Variants in IGF2BP3 observed in about 807,000 individuals in gnomAD.
IGF2BP3 encodes insulin-like growth factor 2 mRNA-binding protein 3.
A neutral mutation model predicts 73.8 loss-of-function variants in IGF2BP3; 9 were observed. The ratio of observed to expected loss-of-function variants is 0.12; its 90% CI spans 0.07 to 0.21. The LOEUF is 0.21. Ranked by LOEUF, IGF2BP3 falls within the 10% of genes least tolerant of loss-of-function variation. The pLI is 1.00. For synonymous variants in IGF2BP3, 258 were observed against 256.7 expected, an observed-to-expected ratio of 1.01 and a Z score of -0.05; for missense variants, 542 against 714.0, an observed-to-expected ratio of 0.76 and a Z score of 2.75.
chr7:23,418,911 A>T, intron 2 of IGF2BP3, 87 bp from the exon 3 acceptor site: 1 of 812,810 alleles, frequency 1.2e-6, no homozygotes, highest in Non-Finnish European at 2.0e-6. Context: ...AAACTACTTA[A>T]AATATTAACT....
rs750744950 is a variant in IGF2BP3, at chr7:23,470,142, G to C, written c.-32C>G. 9.0e-6 allele frequency: 14 copies of C among 1,553,854 alleles called. No individual in the cohort carries two copies. Among genetic ancestry groups the C allele is most frequent in the Non-Finnish European group, 1.2e-5 (14 of 1,149,086 alleles). ...GAGTGGTTGTTTAAAAAAAAATAAC[G>C]AGAAAAAACGAAAAATTAAAACCAC... On this transcript the variant is annotated 5_prime_UTR_variant, in exon 1 of 15. Coordinates refer to ENST00000258729, the MANE Select transcript of IGF2BP3 (RefSeq NM_006547.3).
chr7:23,376,967 A>G (rs1281764264), intron 3 of IGF2BP3, among the ~76,000 whole-genome samples: 1 of 152,228 alleles, frequency 6.6e-6, no homozygotes, highest in Admixed American at 6.5e-5. Flanking sequence ...GTGGGTGTAA[A>G]TTCATCCACA....
At chr7:23,345,806 T>A in intron 8 of IGF2BP3, 134 bp downstream of exon 8, 1 of 1,033,128 alleles carries the variant, frequency 9.7e-7, no homozygotes, top group Non-Finnish European at 1.4e-6. Flanking sequence ...GCAAGCTGTA[T>A]TTGAGAAACC....
intron 2 of IGF2BP3, among the ~76,000 whole-genome samples, chr7:23,437,485 A>AAAAT (rs71770418): frequency 0.012 from 1,852 of 148,646 alleles, 16 homozygotes; most frequent in East Asian, 0.046. Flanking sequence ...CTTCATTTCA[A>AAAAT]AAATAAATAA....
chr7:23,379,236 G>T (rs947688201), intron 3 of IGF2BP3, among the ~76,000 whole-genome samples: 1 of 152,150 alleles, frequency 6.6e-6, no homozygotes, highest in Non-Finnish European at 1.5e-5. Flanking sequence ...GGCAAACCAA[G>T]GTTTCCCCAC....
intron 3 of IGF2BP3, among the ~76,000 whole-genome samples, chr7:23,399,341 T>C (rs957230427): frequency 1.3e-5 from 2 of 151,610 alleles, no homozygotes; most frequent in Non-Finnish European, 2.9e-5. Context: ...CATGTATACA[T>C]ATGTAACCTG....
chr7:23,375,423 A>G (rs1295792445), intron 3 of IGF2BP3, among the ~76,000 whole-genome samples: 1 of 152,186 alleles, frequency 6.6e-6, no homozygotes, highest in African/African-American at 2.4e-5. Context: ...CAAGCAAAGA[A>G]CTAGGACAGC....
chr7:23,415,369 G>A (rs187348922), intron 3 of IGF2BP3: 338 of 205,208 alleles, frequency 1.6e-3, no homozygotes, highest in Admixed American at 2.7e-3. Flanking sequence ...CGGCATCACC[G>A]CATCGCCAGG....
chr7:23,358,233 T>G (rs911020000), intron 5 of IGF2BP3, among the ~76,000 whole-genome samples: 1 of 152,126 alleles, frequency 6.6e-6, no homozygotes, highest in Non-Finnish European at 1.5e-5. Flanking sequence ...GCAACTGGGC[T>G]CTGGAATTGA....
At chr7:23,368,497 A>G (rs1285083613) in intron 3 of IGF2BP3, among the ~76,000 whole-genome samples, 1 of 152,234 alleles carries the variant, frequency 6.6e-6, no homozygotes, top group East Asian at 1.9e-4. Context: ...AAAGTAGATT[A>G]GTGGTTTCTA....
rs1160852770 is a variant in IGF2BP3, at chr7:23,311,693, AAATTT to A, written c.*664_*668del. 1.3e-5 allele frequency: 2 copies of A among 152,436 alleles called. No homozygotes were observed. The highest frequency in any genetic ancestry group is 1.9e-4 in the East Asian group (1 of 5,180). 9.4% of individuals were successfully genotyped at this position (152,436 alleles called of 1,614,324 possible). ...TGTTAGCTGATTGCTGTTAAATTTT[AAATTT>A]ATTTTTTAAAAAACGGTTGGACTTC... On this transcript the variant is annotated 3_prime_UTR_variant, in exon 15 of 15. Coordinates refer to ENST00000258729, the MANE Select transcript of IGF2BP3 (RefSeq NM_006547.3).
At chr7:23,364,919 A>C (rs1334361599) in intron 3 of IGF2BP3, among the ~76,000 whole-genome samples, 1 of 151,908 alleles carries the variant, frequency 6.6e-6, no homozygotes, top group East Asian at 1.9e-4. Flanking sequence ...GTAATCCAGC[A>C]CTTTGGGAGG....
At chr7:23,354,165 T>C (rs1006486581) in intron 5 of IGF2BP3, among the ~76,000 whole-genome samples, 14 of 152,188 alleles carry the variant, frequency 9.2e-5, no homozygotes, top group Non-Finnish European at 1.6e-4. Context: ...AGCTAATTTT[T>C]GTATTTTTAG....
At chr7:23,417,851 A>T (rs2128535048) in intron 3 of IGF2BP3, among the ~76,000 whole-genome samples, 1 of 152,282 alleles carries the variant, frequency 6.6e-6, no homozygotes, top group East Asian at 1.9e-4. Flanking sequence ...GCATTATATA[A>T]CTTGCAATAT....
intron 8 of IGF2BP3, among the ~76,000 whole-genome samples, chr7:23,344,799 G>C (rs1215158359): frequency 2.0e-5 from 3 of 152,172 alleles, no homozygotes; most frequent in Non-Finnish European, 4.4e-5. Flanking sequence ...CCTCAAACTT[G>C]TTAAAAATGT....
intron 3 of IGF2BP3, among the ~76,000 whole-genome samples, chr7:23,386,559 G>C (rs1786088489): frequency 6.6e-6 from 1 of 152,178 alleles, no homozygotes; most frequent in South Asian, 2.1e-4. Context: ...ATAGCTCAGA[G>C]TACAAAATAA....
chr7:23,456,035 G>A (rs1465604562), intron 2 of IGF2BP3, among the ~76,000 whole-genome samples: 2 of 152,072 alleles, frequency 1.3e-5, no homozygotes, highest in Admixed American at 6.6e-5. Flanking sequence ...AATCAACTAT[G>A]AGCACAGGCA....
chr7:23,461,518 G>A (rs149651516), intron 2 of IGF2BP3, among the ~76,000 whole-genome samples: 1 of 152,206 alleles, frequency 6.6e-6, no homozygotes, highest in African/African-American at 2.4e-5. Context: ...TTTGGTAAAT[G>A]GCACCATCTT....
Position 23,369,002 on chromosome 7 carries a change from A to G in IGF2BP3, c.286-7261T>C, listed in dbSNP as rs1785469813. On this transcript the variant is annotated intron_variant, in intron 3 of 14. Transcript: ENST00000258729. ...TCAATAAAGCTGTTAAAAAAATACT[A>G]AAAGCAACTTTACCAGGTAATGGCC... Among the ~76,000 whole-genome samples, 6 of 152,214 alleles carry G rather than the reference A, an allele frequency of 3.9e-5. No homozygotes were observed. The South Asian group carries it at 1.2e-3, about 32-fold the overall frequency.
Sources: allele counts gnomAD v4.1 joint callset (sites outside exome capture counted in the v4.1 genomes callset), GRCh38; gene constraint gnomAD v4.1.1; transcripts MANE v1.5; gene names NCBI Gene and HGNC (gene_info 2026-07-23, HGNC 2026-07-21).